The following ANXA13 variants were observed in gnomAD, a reference collection of about 807,000 sequenced individuals.
ANXA13 encodes annexin XIII.
Under a neutral mutation model 46.6 loss-of-function variants are expected in ANXA13, and 36 were observed. The ratio of observed to expected loss-of-function variants is 0.77; its 90% CI spans 0.59 to 1.02. The LOEUF (loss-of-function observed/expected upper bound fraction) is 1.02. ANXA13 is among the 50% of genes least tolerant of loss of function. The probability of loss-of-function intolerance (pLI) is 0.00; values close to 1 mark genes in which losing one functional copy is unlikely to be tolerated. For missense variants in ANXA13, 417 were observed against 396.5 expected (o/e 1.05, Z -0.44); for synonymous variants, 163 against 152.9 (o/e 1.07, Z -0.49).
chr8:123,694,698 G>T (rs1398032416), intron 6 of ANXA13, among the ~76,000 whole-genome samples: 1 of 152,162 alleles, frequency 6.6e-6, no homozygotes, highest in Non-Finnish European at 1.5e-5. Context: ...CCTGACCAAA[G>T]GACTCAGCGA....
At chr8:123,710,717 C>G (rs567149134) in intron 2 of ANXA13, among the ~76,000 whole-genome samples, 1 of 151,958 alleles carries the variant, frequency 6.6e-6, no homozygotes, top group South Asian at 2.1e-4. Flanking sequence ...GTGTTCCCCA[C>G]TTACTGGCTT....
intron 1 of ANXA13, chr8:123,735,868 A>G: frequency 6.2e-7 from 1 of 1,607,922 alleles, no homozygotes; most frequent in Non-Finnish European, 8.5e-7. Flanking sequence ...GAGAGGGTGT[A>G]CGACTGGCTC....
intron 9 of ANXA13, among the ~76,000 whole-genome samples, chr8:123,687,977 T>C (rs1283417330): frequency 6.6e-6 from 1 of 152,212 alleles, no homozygotes; most frequent in African/African-American, 2.4e-5. Context: ...AACTTCATTA[T>C]TTGAAAACAT....
chr8:123,727,896 T>C (rs17342982), intron 1 of ANXA13: 39,225 of 152,038 alleles, frequency 0.26, 5,277 homozygotes, highest in Non-Finnish European at 0.28. Context: ...CATGATGTCT[T>C]ACATTCTTTA....
At chr8:123,710,902 G>A (rs1425841731) in intron 2 of ANXA13, among the ~76,000 whole-genome samples, 1 of 152,156 alleles carries the variant, frequency 6.6e-6, no homozygotes, top group African/African-American at 2.4e-5. Flanking sequence ...AATCCACTTT[G>A]CCCCTTGACC....
intron 1 of ANXA13, among the ~76,000 whole-genome samples, chr8:123,715,264 G>A (rs1016217796): frequency 2.6e-5 from 4 of 152,148 alleles, no homozygotes; most frequent in African/African-American, 9.7e-5. Flanking sequence ...TCTGAGCATG[G>A]GGCCCTATGC....
intron 1 of ANXA13, among the ~76,000 whole-genome samples, chr8:123,716,270 G>C (rs368069323): frequency 3.7e-4 from 56 of 152,194 alleles, no homozygotes; most frequent in African/African-American, 1.2e-3. Flanking sequence ...ATTTTTGGTA[G>C]AGATGGGGTC....
chr8:123,723,467 A>T (rs1813924891), intron 1 of ANXA13, among the ~76,000 whole-genome samples: 1 of 152,204 alleles, frequency 6.6e-6, no homozygotes, highest in Non-Finnish European at 1.5e-5. Flanking sequence ...TTAAGTGCTA[A>T]AACTGGGACA....
At chr8:123,717,017 T>C (rs1460111930) in intron 1 of ANXA13, among the ~76,000 whole-genome samples, 1 of 152,202 alleles carries the variant, frequency 6.6e-6, no homozygotes, top group African/African-American at 2.4e-5. Context: ...GCAACATTCC[T>C]TGTTTTGTTT....
chr8:123,713,218 A>G (rs531518918), intron 1 of ANXA13, among the ~76,000 whole-genome samples: 2 of 152,276 alleles, frequency 1.3e-5, no homozygotes, highest in African/African-American at 4.8e-5. Flanking sequence ...CATCCATACA[A>G]TGAGAGATAC....
At chr8:123,684,270 T>A (rs967320327) in intron 10 of ANXA13, among the ~76,000 whole-genome samples, 1 of 152,210 alleles carries the variant, frequency 6.6e-6, no homozygotes, top group African/African-American at 2.4e-5. Context: ...TGCTGCTGGT[T>A]GACCTCTTTC....
intron 1 of ANXA13, among the ~76,000 whole-genome samples, chr8:123,734,448 G>A (rs1022200820): frequency 4.6e-5 from 7 of 152,096 alleles, no homozygotes; most frequent in African/African-American, 1.4e-4. Flanking sequence ...TGTGTGATTT[G>A]GCGGATGATA....
At chr8:123,717,070 T>G (rs1175287736) in intron 1 of ANXA13, among the ~76,000 whole-genome samples, 2 of 152,198 alleles carry the variant, frequency 1.3e-5, no homozygotes, top group Non-Finnish European at 2.9e-5. Context: ...GCACTGACAC[T>G]CAGGAGACAG....
intron 1 of ANXA13, among the ~76,000 whole-genome samples, chr8:123,713,350 T>C (rs1369076678): frequency 6.6e-6 from 1 of 152,236 alleles, no homozygotes; most frequent in East Asian, 1.9e-4. Flanking sequence ...ACTTCAGTCA[T>C]TGGCACAATA....
chr8:123,715,579 T>A (rs1813744085), intron 1 of ANXA13, among the ~76,000 whole-genome samples: 1 of 152,244 alleles, frequency 6.6e-6, no homozygotes, highest in Admixed American at 6.5e-5. Context: ...GATGCAGGGC[T>A]CTGCAAATGG....
intron 1 of ANXA13, among the ~76,000 whole-genome samples, chr8:123,716,520 G>T (rs972707887): frequency 2.0e-5 from 3 of 152,074 alleles, no homozygotes; most frequent in South Asian, 2.1e-4. Flanking sequence ...GATAATTCAG[G>T]CTTGTTCCTT....
At chr8:123,725,010 A>T (rs1813956599) in intron 1 of ANXA13, among the ~76,000 whole-genome samples, 1 of 152,190 alleles carries the variant, frequency 6.6e-6, no homozygotes, top group African/African-American at 2.4e-5. Context: ...ACTGTATCCC[A>T]TGTGGACCAT....
At chr8:123,701,755 T>C (rs941259415) in intron 3 of ANXA13, among the ~76,000 whole-genome samples, 7 of 31,020 alleles carry the variant, frequency 2.3e-4, no homozygotes, top group Admixed American at 1.5e-3. Context: ...CTGGTTCTCT[T>C]TTTTTTTTTT....
At chr8:123,710,759 G>T (rs1813644133) in intron 2 of ANXA13, among the ~76,000 whole-genome samples, 1 of 152,172 alleles carries the variant, frequency 6.6e-6, no homozygotes, top group Non-Finnish European at 1.5e-5. Flanking sequence ...TAAAATGTCA[G>T]GTCATCAGTT....
Sources: gnomAD v4.1 joint callset for allele counts (sites outside exome capture counted in the v4.1 genomes callset) on GRCh38, gnomAD v4.1.1 for gene constraint, MANE v1.5 for transcripts, NCBI Gene and HGNC (gene_info 2026-07-23, HGNC 2026-07-21) for gene names.